The following KCND3 variants were observed in gnomAD, a reference collection of about 807,000 sequenced individuals.
The protein encoded by KCND3 is A-type voltage-gated potassium channel KCND3.
KCND3 carries 9 observed loss-of-function variants against 51.1 expected under a neutral mutation model. The observed-to-expected ratio is 0.18, with a 90% CI of 0.11 to 0.31. The LOEUF is 0.31. Ranked by LOEUF, KCND3 falls within the 10% of genes least tolerant of loss-of-function variation. The pLI, the probability that KCND3 is intolerant of heterozygous loss-of-function variation, is 1.00. For synonymous variants in KCND3, 349 were observed against 368.0 expected, an observed-to-expected ratio of 0.95 and a Z score of 0.59; for missense variants, 526 against 903.8, an observed-to-expected ratio of 0.58 and a Z score of 5.36.
intron 2 of KCND3, chr1:111,910,177 A>G (rs916152194): frequency 6.6e-6 from 1 of 152,210 alleles, no homozygotes; most frequent in Non-Finnish European, 1.5e-5. Flanking sequence ...GAAGGTTGAC[A>G]GCTTGGCATT....
chr1:111,823,215 C>G (rs535929300), intron 2 of KCND3, among the ~76,000 whole-genome samples: 1 of 152,288 alleles, frequency 6.6e-6, no homozygotes, highest in East Asian at 1.9e-4. Flanking sequence ...TTCCACAAAT[C>G]GTGAGGTTCT....
At chr1:111,826,101 T>C (rs115546765) in intron 2 of KCND3, among the ~76,000 whole-genome samples, 1,583 of 152,352 alleles carry the variant, frequency 0.01, 22 homozygotes, top group African/African-American at 0.035. Flanking sequence ...GTTGGAAAGC[T>C]AGCTTTATTT....
At chr1:111,940,351 T>C (rs946157465) in intron 2 of KCND3, among the ~76,000 whole-genome samples, 4 of 152,180 alleles carry the variant, frequency 2.6e-5, no homozygotes, top group African/African-American at 9.7e-5. Flanking sequence ...CGGGTTTTTA[T>C]GCTTTTAGGT....
chr1:111,932,088 T>C lies in KCND3; in HGVS notation c.1106+49533A>G, dbSNP rs77145684. On this transcript the variant is annotated intron_variant, in intron 2 of 7. Transcript: ENST00000302127. ...CGCAGCAGGCCGAGTCCTTCTCAGA[T>C]TGCACCACTCTGACCTCTCCTCTTG... Among the ~76,000 whole-genome samples, 154 of 152,310 alleles carry C rather than the reference T, an allele frequency of 1.0e-3. 1 individual carries two copies. Among genetic ancestry groups the C allele is most frequent in the African/African-American group, 3.6e-3 (150 of 41,572 alleles).
intron 1 of KCND3, among the ~76,000 whole-genome samples, chr1:111,987,686 G>T (rs1053043335): frequency 3.3e-5 from 5 of 152,192 alleles, no homozygotes; most frequent in African/African-American, 1.2e-4. Context: ...GCTGGCCTGG[G>T]TATGAATTCC....
At position 111,898,240 on chromosome 1, in the gene KCND3, T is replaced by C. The variant is rs530009710; in HGVS notation, c.1106+83381A>G. On this transcript the variant is annotated intron_variant, in intron 2 of 7. Transcript: ENST00000302127. The stretch of plus-strand genomic sequence containing the variant: ...TCATTTTAGCTCTTACCTTAGCCTT[T>C]CTTTACCATGATTCTACCTCTGGGT... Among the ~76,000 whole-genome samples, 10 of 150,042 alleles carry C rather than the reference T, an allele frequency of 6.7e-5. No homozygotes were observed. In the South Asian group the frequency reaches 2.1e-3, roughly 32 times the overall value.
At chr1:111,785,952 C>T (rs1380136480) in intron 3 of KCND3, among the ~76,000 whole-genome samples, 3 of 152,140 alleles carry the variant, frequency 2.0e-5, no homozygotes, top group East Asian at 3.9e-4. Context: ...GAGACAAAAC[C>T]CCAAGCCTCC....
chr1:111,836,341 C>T (rs183750646), intron 2 of KCND3, among the ~76,000 whole-genome samples: 11 of 152,302 alleles, frequency 7.2e-5, no homozygotes, highest in Non-Finnish European at 7.4e-5. Flanking sequence ...AATGACTCCC[C>T]GTCTCTCGCA....
intron 2 of KCND3, among the ~76,000 whole-genome samples, chr1:111,854,561 G>T (rs534804183): frequency 6.6e-6 from 1 of 152,330 alleles, no homozygotes; most frequent in African/African-American, 2.4e-5. Flanking sequence ...GCAAGGAAAG[G>T]CAGGCGTCGG....
chr1:111,976,605 G>A (rs764053377), intron 2 of KCND3, among the ~76,000 whole-genome samples: 5 of 152,294 alleles, frequency 3.3e-5, no homozygotes, highest in Admixed American at 6.5e-5. Context: ...ACATCCTGGC[G>A]GAAAGACACA....
At chr1:111,928,531 C>T (rs920241395) in intron 2 of KCND3, among the ~76,000 whole-genome samples, 5 of 152,200 alleles carry the variant, frequency 3.3e-5, no homozygotes, top group African/African-American at 9.7e-5. Context: ...CGGCATCACG[C>T]AATTGGTGTG....
intron 2 of KCND3, among the ~76,000 whole-genome samples, chr1:111,932,046 C>G (rs1175088349): frequency 6.6e-6 from 1 of 152,232 alleles, no homozygotes; most frequent in Non-Finnish European, 1.5e-5. Flanking sequence ...CCCCTCTCCT[C>G]CATCTTCAAA....
Position 111,780,417 on chromosome 1 carries a change from A to AT in KCND3, c.1372-104dup, listed in dbSNP as rs72548727. 27,371 of 1,170,170 alleles carry AT rather than the reference A, an allele frequency of 0.023. 423 individuals are homozygous for AT. Among genetic ancestry groups the AT allele is most frequent in the East Asian group, 0.062 (2,406 of 38,896 alleles). The allele number at this position is 1,170,170 out of a possible 1,614,324, so 72.5% of individuals were successfully genotyped here. On this transcript the variant is annotated intron_variant, in intron 4 of 7. Coordinates refer to ENST00000302127, the MANE Select transcript of KCND3 (RefSeq NM_001378969.1). This position sits in a 1 kb window ranked among gnomAD's most constrained non-coding sequence, Gnocchi z 4.2. ...GGTCAAAGGGCAATAGAATAATCAA[A>AT]TTTTTTTTTATTTGACCAAATTTCA...
chr1:111,797,527 G>T (rs1399802105), intron 2 of KCND3, among the ~76,000 whole-genome samples: 1 of 152,170 alleles, frequency 6.6e-6, no homozygotes, highest in Non-Finnish European at 1.5e-5. Context: ...TGCCCTCAAG[G>T]AGCTTATGAT....
chr1:111,901,214 C>CAGCTG (rs58418191), intron 2 of KCND3, among the ~76,000 whole-genome samples: 26,204 of 152,094 alleles, frequency 0.17, 2,336 homozygotes, highest in Middle Eastern at 0.22. Context: ...AAGAATCTAG[C>CAGCTG]AGCTGCCCCT....
intron 2 of KCND3, among the ~76,000 whole-genome samples, chr1:111,881,629 T>A (rs557797647): frequency 1.3e-5 from 2 of 152,196 alleles, no homozygotes; most frequent in Admixed American, 6.5e-5. Context: ...CATGACATCA[T>A]GGGAGTCCGG....
chr1:111,968,026 C>T (rs1410887969), intron 2 of KCND3, among the ~76,000 whole-genome samples: 1 of 152,216 alleles, frequency 6.6e-6, no homozygotes, highest in African/African-American at 2.4e-5. Flanking sequence ...ACAGCAGCCT[C>T]TGCTCCTCGG....
intron 3 of KCND3, among the ~76,000 whole-genome samples, chr1:111,786,424 A>G (rs1013920713): frequency 5.9e-5 from 9 of 152,166 alleles, no homozygotes; most frequent in Admixed American, 1.3e-4. Flanking sequence ...ACTGCAGTTG[A>G]CTTCAGTGCC....
intron 2 of KCND3, among the ~76,000 whole-genome samples, chr1:111,845,845 C>T (rs1353550980): frequency 2.6e-5 from 4 of 152,198 alleles, no homozygotes; most frequent in Non-Finnish European, 4.4e-5. Flanking sequence ...TACCCACTAA[C>T]CCCACTGCCT....
Sources: allele counts gnomAD v4.1 joint callset (sites outside exome capture counted in the v4.1 genomes callset), GRCh38; gene constraint gnomAD v4.1.1; non-coding constraint Gnocchi (gnomAD v3.1); transcripts MANE v1.5; gene names NCBI Gene and HGNC (gene_info 2026-07-23, HGNC 2026-07-21).